ADAM23: variants seen among roughly 807,000 people sequenced by gnomAD.
The protein encoded by ADAM23 is disintegrin and metalloproteinase domain-containing protein 23.
In ADAM23, 33 loss-of-function variants were observed where a neutral mutation model predicts 120.1. The ratio of observed to expected loss-of-function variants is 0.27; its 90% CI spans 0.21 to 0.37. The LOEUF (loss-of-function observed/expected upper bound fraction) is 0.37, where lower values mean the gene tolerates loss of function less well. Among genes scored for constraint, ADAM23 ranks in the 10% least tolerant of loss-of-function variants. ADAM23 has a pLI of 1.00. For missense variants in ADAM23, 862 were observed against 1,058.2 expected, an observed-to-expected ratio of 0.81 and a Z score of 2.57; for synonymous variants, 367 against 375.2, an observed-to-expected ratio of 0.98 and a Z score of 0.25.
intron 3 of ADAM23, among the ~76,000 whole-genome samples, chr2:206,523,339 T>C (rs976159280): frequency 6.6e-6 from 1 of 152,226 alleles, no homozygotes; most frequent in African/African-American, 2.4e-5. Context: ...CTATTCATGC[T>C]AGGAACATTC....
chr2:206,479,543 A>G (rs913348913), intron 2 of ADAM23, among the ~76,000 whole-genome samples: 1 of 152,204 alleles, frequency 6.6e-6, no homozygotes, highest in Non-Finnish European at 1.5e-5. Context: ...TGTACAAATT[A>G]TTCATCAATA....
At chr2:206,458,805 A>G (rs781042582) in intron 2 of ADAM23, among the ~76,000 whole-genome samples, 1 of 152,190 alleles carries the variant, frequency 6.6e-6, no homozygotes, top group South Asian at 2.1e-4. Context: ...AAACGAAACC[A>G]AACCTAAGAA....
chr2:206,520,860 T>C (rs1408608221), intron 3 of ADAM23, among the ~76,000 whole-genome samples: 1 of 152,126 alleles, frequency 6.6e-6, no homozygotes. Context: ...AGCCTGTGGA[T>C]CACTGTTTCT....
At chr2:206,545,465 G>T (rs1225893556) in intron 6 of ADAM23, among the ~76,000 whole-genome samples, 1 of 152,092 alleles carries the variant, frequency 6.6e-6, no homozygotes, top group Non-Finnish European at 1.5e-5. Context: ...CAGCCTGGGC[G>T]ACAGAGCGAG....
chr2:206,480,443 G>A (rs1695872936), intron 2 of ADAM23, among the ~76,000 whole-genome samples: 1 of 150,938 alleles, frequency 6.6e-6, no homozygotes, highest in Non-Finnish European at 1.5e-5. Flanking sequence ...CAGTGTAGGT[G>A]TTTCATTTAG....
intron 3 of ADAM23, among the ~76,000 whole-genome samples, chr2:206,527,052 C>T (rs928905869): frequency 6.6e-6 from 1 of 152,138 alleles, no homozygotes; most frequent in African/African-American, 2.4e-5. Context: ...CAACAGATAA[C>T]CTGCATGAGA....
intron 2 of ADAM23, among the ~76,000 whole-genome samples, chr2:206,455,597 A>C (rs1409870323): frequency 6.6e-6 from 1 of 152,216 alleles, no homozygotes. Context: ...TTTAAATATA[A>C]GTTCCAGTTT....
At chr2:206,588,261 A>T in intron 20 of ADAM23, 107 bp downstream of exon 20, 2 of 1,169,676 alleles carry the variant, frequency 1.7e-6, no homozygotes, top group Non-Finnish European at 1.2e-6. Context: ...GTGATGTTTT[A>T]AAAAAATCTA....
chr2:206,470,367 A>G (rs764009318), intron 2 of ADAM23, among the ~76,000 whole-genome samples: 6 of 152,184 alleles, frequency 3.9e-5, no homozygotes, highest in African/African-American at 7.2e-5. Flanking sequence ...GGTGAGACCT[A>G]TCATTTGCGT....
chr2:206,458,227 C>T (rs975116519), intron 2 of ADAM23, among the ~76,000 whole-genome samples: 4 of 151,754 alleles, frequency 2.6e-5, no homozygotes, highest in African/African-American at 4.8e-5. Context: ...CCTTATCAAT[C>T]GCACAGTGCC....
intron 22 of ADAM23, among the ~76,000 whole-genome samples, chr2:206,594,195 A>G (rs1305789698): frequency 6.6e-6 from 1 of 152,052 alleles, no homozygotes; most frequent in East Asian, 1.9e-4. Flanking sequence ...TAATGACACA[A>G]TTCTTAGAAT....
intron 18 of ADAM23, among the ~76,000 whole-genome samples, chr2:206,575,760 A>C (rs1698098943): frequency 6.6e-6 from 1 of 152,196 alleles, no homozygotes; most frequent in Non-Finnish European, 1.5e-5. Context: ...CACGGGGAGC[A>C]ATGGAAAATG....
chr2:206,527,761 G>A (rs1026791044), intron 3 of ADAM23, among the ~76,000 whole-genome samples: 30 of 152,154 alleles, frequency 2.0e-4, no homozygotes, highest in African/African-American at 6.3e-4. Flanking sequence ...TAGTTTCAAG[G>A]GAGGCTGGCT....
chr2:206,509,648 C>CATGTT (rs755327042), intron 3 of ADAM23, among the ~76,000 whole-genome samples: 66 of 152,116 alleles, frequency 4.3e-4, no homozygotes, highest in Non-Finnish European at 4.4e-4. Context: ...GGGATTTCAC[C>CATGTT]ATGTTGGTTA....
chr2:206,487,893 T>C (rs919741303), intron 3 of ADAM23, among the ~76,000 whole-genome samples: 3 of 152,186 alleles, frequency 2.0e-5, no homozygotes, highest in Non-Finnish European at 1.5e-5. Flanking sequence ...GACATCCACA[T>C]TGGGTGGCTG....
Position 206,513,673 on chromosome 2 carries a change from A to G in ADAM23, c.510-17212A>G, listed in dbSNP as rs1395174152. Among the ~76,000 whole-genome samples, 3 of 152,376 alleles carry G rather than the reference A, an allele frequency of 2.0e-5. No homozygotes were observed. In the East Asian group the frequency reaches 5.8e-4, roughly 29 times the overall value. On this transcript the variant is annotated intron_variant, in intron 3 of 25. Transcript: ENST00000264377. ...ACTAAACAACAGATTTTCAATGTAG[A>G]TGAAACAGCCTTCCTATTGGAAGAA...
intron 18 of ADAM23, among the ~76,000 whole-genome samples, chr2:206,577,594 A>G (rs1013993928): frequency 2.5e-4 from 36 of 141,208 alleles, no homozygotes; most frequent in African/African-American, 9.3e-4. Context: ...ACATGAACTC[A>G]TCATTTTTCA....
Position 206,557,449 on chromosome 2 carries a change from A to T in ADAM23, c.956A>T (p.His319Leu). The part of the protein sequence containing the change: ...HKTYKKHRSS[H>L]AHTNNFAKSV... Reference sequence around the variant, plus strand: ...TAGTATAAGAAGCATCGCTCTTCTCATGCACATACCAACAACTTTGCAAAG... The same window carrying T: ...TAGTATAAGAAGCATCGCTCTTCTCTTGCACATACCAACAACTTTGCAAAG... The change falls in exon 10 of 26, where the codon CAT becomes CTT. Residue 319 changes from histidine (H) to leucine (L), a missense_variant. This residue lies in a region of ADAM23 where 617 missense variants were observed against 813.5 expected (regional missense o/e 0.76). Coordinates refer to ENST00000264377, the MANE Select transcript of ADAM23 (RefSeq NM_003812.4). The T allele has an allele frequency of 6.2e-7, 1 of 1,613,798 alleles. No individual in the cohort carries two copies. The highest frequency in any genetic ancestry group is 1.7e-5 in the Admixed American group (1 of 60,024).
intron 3 of ADAM23, among the ~76,000 whole-genome samples, chr2:206,485,853 C>A (rs1046097401): frequency 6.6e-6 from 1 of 152,076 alleles, no homozygotes; most frequent in Non-Finnish European, 1.5e-5. Flanking sequence ...TCAGAAGAAG[C>A]AAGAAGGCCT....
Sources: allele counts gnomAD v4.1 joint callset (sites outside exome capture counted in the v4.1 genomes callset), GRCh38; gene constraint gnomAD v4.1.1; regional missense constraint gnomAD v4.1.1; transcripts MANE v1.5; gene names NCBI Gene and HGNC (gene_info 2026-07-23, HGNC 2026-07-21).